The following CALB1 variants were observed in gnomAD, a reference collection of about 807,000 sequenced individuals.
CALB1 encodes calbindin 1, also known as calbindin.
In CALB1, 16 loss-of-function variants were observed where a neutral mutation model predicts 46.7. The ratio of observed to expected loss-of-function variants is 0.34; its 90% CI spans 0.23 to 0.52. The LOEUF is 0.52. Ranked by LOEUF, CALB1 falls within the 20% of genes least tolerant of loss-of-function variation. CALB1 has a pLI of 0.95. For missense variants in CALB1, 224 were observed against 300.3 expected (o/e 0.75, Z 1.88); for synonymous variants, 90 against 112.8 (o/e 0.80, Z 1.28).
At chr8:90,060,731 C>T (rs1814282350) in intron 9 of CALB1, 31 bp from the exon 10 acceptor site, 1 of 1,460,286 alleles carries the variant, frequency 6.8e-7, no homozygotes, top group Non-Finnish European at 9.6e-7. Context: ...TAGTATACAA[C>T]CAACTCCATC....
At position 90,060,630 on chromosome 8, in the gene CALB1, T is replaced by C. The variant is rs764019573; in HGVS notation, c.671A>G (p.Gln224Arg). ...TAAGTGCCATGGTAACTAAGTTACC[T>C]GTTTATTCTTCTCGCACAGATCCTT... Reference protein sequence around the residue: ...LLKDLCEKNKQDLDINNITTY... With the variant: ...LLKDLCEKNKRDLDINNITTY... The change falls in exon 10 of 11, where the codon CAG becomes CGG. Residue 224 changes from glutamine (Q) to arginine (R), a missense_variant and splice_region_variant. Coordinates refer to ENST00000265431, the MANE Select transcript of CALB1 (RefSeq NM_004929.4). 1 of 1,612,510 alleles carries C rather than the reference T, an allele frequency of 6.2e-7. No individual in the cohort carries two copies. Among genetic ancestry groups the C allele is most frequent in the Non-Finnish European group, 8.5e-7 (1 of 1,178,552 alleles).
chr8:90,063,035 T>G lies in CALB1; in HGVS notation c.600+65A>C, dbSNP rs1453255391. On this transcript the variant is annotated intron_variant, in intron 9 of 10. Coordinates refer to ENST00000265431, the MANE Select transcript of CALB1 (RefSeq NM_004929.4). ...ACTGTATTTTATACTTAAATTTTGTTAAGAGGATCTTATGTTGTGTTCTTA... is the reference window on the plus strand; with the variant it reads ...ACTGTATTTTATACTTAAATTTTGTGAAGAGGATCTTATGTTGTGTTCTTA... 11 of 1,152,476 alleles carry G rather than the reference T, an allele frequency of 9.5e-6. No individual in the cohort carries two copies. In the East Asian group the frequency reaches 2.6e-4, roughly 27 times the overall value. The allele number at this position is 1,152,476 out of a possible 1,614,324, so 71.4% of individuals were successfully genotyped here. A position where few individuals can be genotyped will look rare whatever the true frequency, so the allele number is the denominator to read the frequency against.
chr8:90,075,370 A>G (rs1814605971), intron 3 of CALB1, among the ~76,000 whole-genome samples: 1 of 152,154 alleles, frequency 6.6e-6, no homozygotes, highest in Non-Finnish European at 1.5e-5. Flanking sequence ...TGTGAGTATA[A>G]CTATTAAGTA....
rs1365574560 is a variant in CALB1, at chr8:90,082,157, C to G, written c.80-55G>C. 7 of 1,458,270 alleles carry G rather than the reference C, an allele frequency of 4.8e-6. No homozygotes were observed. The East Asian group carries it at 1.6e-4, about 33-fold the overall frequency. 90.3% of individuals were successfully genotyped at this position (1,458,270 alleles called of 1,614,324 possible). On this transcript the variant is annotated intron_variant, in intron 1 of 10. Transcript: ENST00000265431. ...AGATATCTCATTCCAAGTGTCTTTCCCGTTCACTTTCCAAGACAGTTATCT... is the reference window on the plus strand; with the variant it reads ...AGATATCTCATTCCAAGTGTCTTTCGCGTTCACTTTCCAAGACAGTTATCT...
In CALB1 at chr8:90,082,749, G is replaced by T. The variant is rs1455975509; in HGVS notation, c.-52C>A. On this transcript the variant is annotated 5_prime_UTR_variant, in exon 1 of 11. Coordinates refer to ENST00000265431, the MANE Select transcript of CALB1 (RefSeq NM_004929.4). ...TGTGAATATGCGTGTGTCTGTGTCC[G>T]CGCGAGGGGGAGTGAGCAAAAGCTC... 2.0e-6 allele frequency: 3 copies of T among 1,529,608 alleles called. No individual in the cohort carries two copies. Among genetic ancestry groups the T allele is most frequent in the Non-Finnish European group, 2.7e-6 (3 of 1,103,646 alleles). 94.8% of individuals were successfully genotyped at this position (1,529,608 alleles called of 1,614,324 possible).
chr8:90,060,620 C>G lies in CALB1; in HGVS notation c.672+9G>C. 1 of 1,610,226 alleles carries G rather than the reference C, an allele frequency of 6.2e-7. No individual in the cohort carries two copies. Among genetic ancestry groups the G allele is most frequent in the Non-Finnish European group, 8.5e-7 (1 of 1,176,548 alleles). On this transcript the variant is annotated intron_variant, in intron 10 of 10. Transcript: ENST00000265431. Reference sequence around the variant, plus strand: ...CTTAAAGAAGTAAGTGCCATGGTAACTAAGTTACCTGTTTATTCTTCTCGC... The same window carrying G: ...CTTAAAGAAGTAAGTGCCATGGTAAGTAAGTTACCTGTTTATTCTTCTCGC...
At position 90,060,615 on chromosome 8, in the gene CALB1, G is replaced by T; in HGVS notation, c.672+14C>A. 1 of 1,605,416 alleles carries T rather than the reference G, an allele frequency of 6.2e-7. No individual in the cohort carries two copies. The highest frequency in any genetic ancestry group is 1.1e-5 in the South Asian group (1 of 90,794). On this transcript the variant is annotated intron_variant, in intron 10 of 10. Coordinates refer to ENST00000265431, the MANE Select transcript of CALB1 (RefSeq NM_004929.4). ...GTCTGCTTAAAGAAGTAAGTGCCAT[G>T]GTAACTAAGTTACCTGTTTATTCTT...
At chr8:90,065,807 T>C (rs1814385076) in intron 6 of CALB1, 91 bp downstream of exon 6, 3 of 804,970 alleles carry the variant, frequency 3.7e-6, no homozygotes, top group South Asian at 2.9e-5. Flanking sequence ...CCACCGTTTA[T>C]TTATTTCATC....
chr8:90,060,643 C>T lies in CALB1; in HGVS notation c.658G>A (p.Glu220Lys), dbSNP rs761899367. 5.0e-6 allele frequency: 8 copies of T among 1,613,434 alleles called. No homozygotes were observed. Among genetic ancestry groups the T allele is most frequent in the Admixed American group, 3.3e-5 (2 of 59,998 alleles). ...AACTAAGTTACCTGTTTATTCTTCTCGCACAGATCCTTCAGTAAAGCATCC... is the reference window on the plus strand; with the variant it reads ...AACTAAGTTACCTGTTTATTCTTCTTGCACAGATCCTTCAGTAAAGCATCC... ...ELDALLKDLC[E>K]KNKQDLDINN... Residue 220 changes from glutamate (E) to lysine (K), a missense_variant, in exon 10 of 11, where the codon GAG becomes AAG. Glu to Lys is a moderately conservative substitution (Grantham distance 56). Coordinates refer to ENST00000265431, the MANE Select transcript of CALB1 (RefSeq NM_004929.4).
intron 4 of CALB1, 27 bp from the exon 5 acceptor site, chr8:90,069,081 CA>C: frequency 6.2e-7 from 1 of 1,611,666 alleles, no homozygotes; most frequent in Non-Finnish European, 8.5e-7. Context: ...ATAAGGAAAA[CA>C]AACACATTTT....
intron 4 of CALB1, 45 bp downstream of exon 4, chr8:90,069,109 T>C: frequency 6.2e-7 from 1 of 1,610,412 alleles, no homozygotes; most frequent in East Asian, 2.2e-5. Flanking sequence ...AAGGAACAAT[T>C]TTCCTACTTT....
chr8:90,074,067 A>C (rs75651910), intron 3 of CALB1, among the ~76,000 whole-genome samples: 7,175 of 152,080 alleles, frequency 0.047, 321 homozygotes, highest in East Asian at 0.2. Flanking sequence ...AGCCAGTGAG[A>C]AGTGAGTCCA....
In CALB1 at chr8:90,058,670, C is replaced by T. The variant is rs1814241708; in HGVS notation, c.*1503G>A. 1 of 152,146 alleles carries T rather than the reference C, an allele frequency of 6.6e-6. No homozygotes were observed. The highest frequency in any genetic ancestry group is 2.1e-4 in the South Asian group (1 of 4,824). The allele number at this position is 152,146 out of a possible 1,614,324, so 9.4% of individuals were successfully genotyped here. ...AAATTCAGTCTAATGGCAGTGCTTCCATTTACACGCTAAAGGCAAAGCCAA... is the reference window on the plus strand; with the variant it reads ...AAATTCAGTCTAATGGCAGTGCTTCTATTTACACGCTAAAGGCAAAGCCAA... On this transcript the variant is annotated 3_prime_UTR_variant, in exon 11 of 11. Transcript: ENST00000265431.
chr8:90,071,003 C>G (rs1430703711), intron 3 of CALB1, among the ~76,000 whole-genome samples: 1 of 152,008 alleles, frequency 6.6e-6, no homozygotes, highest in African/African-American at 2.4e-5. Context: ...TAATTTAATT[C>G]AAGACCAAAT....
In CALB1 at chr8:90,059,055, G is replaced by A. The variant is rs1476935600; in HGVS notation, c.*1118C>T. Reference sequence around the variant, plus strand: ...GTTTTAGAATCTTCTTGCTAGATAAGATAAATGATTACATTAGCATTTCTT... The same window carrying A: ...GTTTTAGAATCTTCTTGCTAGATAAAATAAATGATTACATTAGCATTTCTT... On this transcript the variant is annotated 3_prime_UTR_variant, in exon 11 of 11. Transcript: ENST00000265431. 1 of 152,164 alleles carries A rather than the reference G, an allele frequency of 6.6e-6. No individual in the cohort carries two copies. The highest frequency in any genetic ancestry group is 1.5e-5 in the Non-Finnish European group (1 of 68,012). 9.4% of individuals were successfully genotyped at this position (152,164 alleles called of 1,614,324 possible). A position where few individuals can be genotyped will look rare whatever the true frequency, so the allele number is the denominator to read the frequency against.
intron 10 of CALB1, 139 bp from the exon 11 acceptor site, chr8:90,060,425 T>C (rs559489458): frequency 1.4e-6 from 1 of 716,654 alleles, no homozygotes; most frequent in East Asian, 2.6e-5. Context: ...CTTATACAAA[T>C]GTGAATAATC....
intron 3 of CALB1, among the ~76,000 whole-genome samples, chr8:90,070,148 C>T (rs180703234): frequency 6.6e-6 from 1 of 152,248 alleles, no homozygotes; most frequent in East Asian, 1.9e-4. Context: ...TTCTGGACTT[C>T]AGTACCCTCA....
chr8:90,072,051 C>T (rs1814531634), intron 3 of CALB1, among the ~76,000 whole-genome samples: 1 of 151,974 alleles, frequency 6.6e-6, no homozygotes, highest in South Asian at 2.1e-4. Flanking sequence ...TTATTTTTTG[C>T]TTATCTTCAT....
At chr8:90,073,655 C>T (rs1814571908) in intron 3 of CALB1, among the ~76,000 whole-genome samples, 1 of 152,232 alleles carries the variant, frequency 6.6e-6, no homozygotes, top group African/African-American at 2.4e-5. Flanking sequence ...GGGGACTTTA[C>T]ATCTCTCTTT....
Sources: allele counts gnomAD v4.1 joint callset (sites outside exome capture counted in the v4.1 genomes callset), GRCh38; gene constraint gnomAD v4.1.1; transcripts MANE v1.5; gene names NCBI Gene and HGNC (gene_info 2026-07-23, HGNC 2026-07-21).